TRERF1: variants seen among roughly 807,000 people sequenced by gnomAD.
TRERF1 encodes transcriptional-regulating factor 1.
Under a neutral mutation model 122.9 loss-of-function variants are expected in TRERF1, and 27 were observed. The ratio of observed to expected loss-of-function variants is 0.22; its 90% CI spans 0.16 to 0.30. TRERF1 has a LOEUF of 0.30. Among genes scored for constraint, TRERF1 ranks in the 10% least tolerant of loss-of-function variants. The pLI, the probability that TRERF1 is intolerant of heterozygous loss-of-function variation, is 1.00. For synonymous variants in TRERF1, 636 were observed against 641.7 expected (o/e 0.99, Z 0.13); for missense variants, 1,248 against 1,560.3 (o/e 0.80, Z 3.37).
At chr6:42,235,799 T>C (rs933775788) in intron 16 of TRERF1, among the ~76,000 whole-genome samples, 1 of 152,194 alleles carries the variant, frequency 6.6e-6, no homozygotes, top group Non-Finnish European at 1.5e-5. Context: ...AGTAATTATG[T>C]CATAAAAGGA....
At chr6:42,408,198 G>A (rs1324330900) in intron 2 of TRERF1, among the ~76,000 whole-genome samples, 1 of 100,634 alleles carries the variant, frequency 9.9e-6, no homozygotes, top group Non-Finnish European at 2.1e-5. Context: ...CATTAACTTC[G>A]CTATATAAAT....
At chr6:42,367,494 G>A (rs978993446) in intron 2 of TRERF1, among the ~76,000 whole-genome samples, 5 of 152,164 alleles carry the variant, frequency 3.3e-5, no homozygotes, top group Non-Finnish European at 7.3e-5. Context: ...GAGGCTGCAC[G>A]CCACTGAGAA....
intron 3 of TRERF1, among the ~76,000 whole-genome samples, chr6:42,355,002 GT>G (rs1181288594): frequency 6.6e-6 from 1 of 152,134 alleles, no homozygotes; most frequent in Non-Finnish European, 1.5e-5. Flanking sequence ...TAGAAATAGG[GT>G]TTTTAGTAAA....
intron 3 of TRERF1, among the ~76,000 whole-genome samples, chr6:42,357,402 G>A (rs1034002603): frequency 6.6e-6 from 1 of 151,160 alleles, no homozygotes; most frequent in African/African-American, 2.4e-5. Flanking sequence ...AAGCATACGA[G>A]CACAGATGAG....
chr6:42,398,320 C>A (rs970682636), intron 2 of TRERF1, among the ~76,000 whole-genome samples: 1 of 152,188 alleles, frequency 6.6e-6, no homozygotes. Flanking sequence ...ACCATTTAAA[C>A]CCAGGACAGA....
Position 42,361,430 on chromosome 6 carries a change from TTTTG to T in TRERF1, c.-371+1563_-371+1566del, listed in dbSNP as rs565531331. Among the ~76,000 whole-genome samples the T allele has an allele frequency of 4.8e-3, 735 of 152,370 alleles. 9 individuals are homozygous for T. Among genetic ancestry groups the T allele is most frequent in the African/African-American group, 0.017 (699 of 41,580 alleles). On this transcript the variant is annotated intron_variant, in intron 3 of 17. Transcript: ENST00000372922. The stretch of plus-strand genomic sequence containing the variant: ...TTGTTTTATGTTGTTTTTTGGGTTT[TTTTG>T]TTTGTTTGTTTTTAAACTGTTTCAA...
chr6:42,430,603 AGCCAGTCGTTG>A (rs1784351684), intron 2 of TRERF1, among the ~76,000 whole-genome samples: 1 of 150,568 alleles, frequency 6.6e-6, no homozygotes, highest in African/African-American at 2.4e-5. Context: ...TACAAAAATT[AGCCAGTCGTTG>A]GCTGGGCGCG....
intron 2 of TRERF1, among the ~76,000 whole-genome samples, chr6:42,433,665 C>A (rs186868366): frequency 6.1e-4 from 93 of 152,174 alleles, no homozygotes; most frequent in Non-Finnish European, 1.2e-3. Context: ...CAAAAATACA[C>A]GATCAATAAA....
intron 3 of TRERF1, among the ~76,000 whole-genome samples, chr6:42,320,337 G>A (rs1763206847): frequency 6.6e-6 from 1 of 152,064 alleles, no homozygotes; most frequent in African/African-American, 2.4e-5. Context: ...TTTAGGTGGT[G>A]GAGCGTTTAG....
chr6:42,400,999 G>A (rs557881696), intron 2 of TRERF1, among the ~76,000 whole-genome samples: 16 of 152,338 alleles, frequency 1.1e-4, no homozygotes, highest in Middle Eastern at 3.4e-3. Context: ...GAGAAAGGTG[G>A]AGGGGTGTGA....
intron 2 of TRERF1, among the ~76,000 whole-genome samples, chr6:42,369,044 C>T (rs1340114449): frequency 5.3e-5 from 8 of 152,152 alleles, no homozygotes; most frequent in Non-Finnish European, 1.2e-4. Context: ...CACATTCAGT[C>T]TGGAGTGGGG....
intron 3 of TRERF1, among the ~76,000 whole-genome samples, chr6:42,339,518 A>C (rs1462635324): frequency 6.6e-6 from 1 of 152,208 alleles, no homozygotes; most frequent in Non-Finnish European, 1.5e-5. Context: ...ATAGCTACGA[A>C]TTGTACCCAA....
intron 3 of TRERF1, among the ~76,000 whole-genome samples, chr6:42,308,068 C>G (rs2150324020): frequency 6.6e-6 from 1 of 152,352 alleles, no homozygotes; most frequent in Admixed American, 6.5e-5. Context: ...GGTTTCTCAA[C>G]ACATTTAAAC....
At chr6:42,399,551 G>A (rs1471596000) in intron 2 of TRERF1, among the ~76,000 whole-genome samples, 2 of 152,168 alleles carry the variant, frequency 1.3e-5, no homozygotes, top group African/African-American at 4.8e-5. Context: ...CGGCTGCAGC[G>A]CTGGGGTCCC....
chr6:42,419,972 C>T (rs1279191501), intron 2 of TRERF1, among the ~76,000 whole-genome samples: 1 of 152,224 alleles, frequency 6.6e-6, no homozygotes, highest in East Asian at 1.9e-4. Flanking sequence ...ACACTCCCTT[C>T]ACCTCCATTT....
chr6:42,352,333 T>C (rs1173640557), intron 3 of TRERF1, among the ~76,000 whole-genome samples: 1 of 152,244 alleles, frequency 6.6e-6, no homozygotes, highest in Non-Finnish European at 1.5e-5. Context: ...CAGCTAGTGT[T>C]ACCTTAATAT....
At chr6:42,439,607 A>T (rs1786109183) in intron 2 of TRERF1, among the ~76,000 whole-genome samples, 1 of 152,026 alleles carries the variant, frequency 6.6e-6, no homozygotes, top group South Asian at 2.1e-4. Flanking sequence ...TAGATAAACA[A>T]ATAAGACTCC....
intron 2 of TRERF1, among the ~76,000 whole-genome samples, chr6:42,388,373 C>T (rs1777165431): frequency 1.3e-5 from 2 of 151,998 alleles, no homozygotes; most frequent in Admixed American, 1.3e-4. Context: ...AACCAGAAGA[C>T]TAGGAAAAAT....
intron 2 of TRERF1, among the ~76,000 whole-genome samples, chr6:42,385,903 GA>G (rs1776716655): frequency 6.6e-6 from 1 of 152,204 alleles, no homozygotes; most frequent in African/African-American, 2.4e-5. Context: ...AAAGTGGCCT[GA>G]AAGAGGTATG....
Sources: allele counts gnomAD v4.1 joint callset (sites outside exome capture counted in the v4.1 genomes callset), GRCh38; gene constraint gnomAD v4.1.1; transcripts MANE v1.5; gene names NCBI Gene and HGNC (gene_info 2026-07-23, HGNC 2026-07-21).